CCDC146: variants seen among roughly 807,000 people sequenced by gnomAD.
CCDC146 encodes coiled-coil domain-containing protein 146.
A neutral mutation model predicts 119.3 loss-of-function variants in CCDC146; 92 were observed. The observed-to-expected ratio is 0.77, with a 90% CI of 0.65 to 0.92. The LOEUF (loss-of-function observed/expected upper bound fraction) is 0.92. Among genes scored for constraint, CCDC146 ranks in the 40% least tolerant of loss-of-function variants. The pLI is 0.00. For missense variants in CCDC146, 1,000 were observed against 1,103.0 expected (o/e 0.91, Z 1.32); for synonymous variants, 372 against 371.8 (o/e 1.00, Z -0.01).
intron 2 of CCDC146, chr7:77,199,454 G>A (rs1474399424): frequency 1.2e-6 from 2 of 1,613,958 alleles, no homozygotes; most frequent in South Asian, 1.1e-5. Context: ...GGTAACAACA[G>A]TCCGTTTCTG....
At chr7:77,178,932 C>CA (rs1390906457) in intron 2 of CCDC146, among the ~76,000 whole-genome samples, 3 of 151,820 alleles carry the variant, frequency 2.0e-5, no homozygotes, top group East Asian at 1.9e-4. Flanking sequence ...CCTTTTTCAA[C>CA]AAAAAATGTA....
chr7:77,175,687 C>A lies in CCDC146; in HGVS notation c.156+7863C>A, dbSNP rs911036346. ...GAACCTTGTGAACAATAATTTTGGA[C>A]ATTAAGTCTTAATCTATTTAAAAGA... On this transcript the variant is annotated intron_variant, in intron 2 of 18. Transcript: ENST00000285871. 6.6e-5 allele frequency among the ~76,000 whole-genome samples: 10 copies of A among 151,188 alleles called. 1 individual carries two copies. The highest frequency in any genetic ancestry group is 2.5e-4 in the African/African-American group (10 of 40,730).
chr7:77,274,547 A>G lies in CCDC146; in HGVS notation c.1335A>G (p.Leu445=), dbSNP rs1334054895. The change falls in exon 11 of 19, where the codon TTA becomes TTG. Residue 445 remains leucine (L), a synonymous_variant. Transcript: ENST00000285871. The part of the protein sequence containing the change: ...EQQLAEENKL[L]KEQENMKELV... ...AACTTGCAGAAGAAAACAAGCTTTTAAAGGAGCAAGAAAACATGAAAGAGC... is the reference window on the plus strand; with the variant it reads ...AACTTGCAGAAGAAAACAAGCTTTTGAAGGAGCAAGAAAACATGAAAGAGC... 6.2e-6 allele frequency: 10 copies of G among 1,612,426 alleles called. No individual in the cohort carries two copies. In the Admixed American group the frequency reaches 1.0e-4, roughly 16 times the overall value.
At chr7:77,258,632 G>T (rs368177965) in intron 6 of CCDC146, among the ~76,000 whole-genome samples, 1 of 152,188 alleles carries the variant, frequency 6.6e-6, no homozygotes, top group African/African-American at 2.4e-5. Context: ...GCTAGGCTAA[G>T]CTATGATTTC....
At chr7:77,159,302 C>T (rs1186721362) in intron 1 of CCDC146, among the ~76,000 whole-genome samples, 1 of 152,022 alleles carries the variant, frequency 6.6e-6, no homozygotes, top group Admixed American at 6.6e-5. Flanking sequence ...AACTATTACT[C>T]CCCAGTTTCT....
At chr7:77,184,406 T>C (rs911025432) in intron 2 of CCDC146, among the ~76,000 whole-genome samples, 2 of 152,236 alleles carry the variant, frequency 1.3e-5, no homozygotes, top group East Asian at 3.9e-4. Flanking sequence ...ACTTTCATAG[T>C]TATCCATGAT....
intron 1 of CCDC146, among the ~76,000 whole-genome samples, chr7:77,130,673 A>G (rs1790770569): frequency 7.3e-6 from 1 of 137,464 alleles, no homozygotes. Context: ...ATCTCGACTC[A>G]CTGCAAGCTC....
At chr7:77,227,776 C>A (rs1363685899) in intron 2 of CCDC146, among the ~76,000 whole-genome samples, 1 of 152,142 alleles carries the variant, frequency 6.6e-6, no homozygotes, top group Non-Finnish European at 1.5e-5. Context: ...TGATAGTCTG[C>A]AAGCACATTT....
At chr7:77,144,345 A>G (rs1207482560) in intron 1 of CCDC146, among the ~76,000 whole-genome samples, 1 of 151,788 alleles carries the variant, frequency 6.6e-6, no homozygotes, top group Non-Finnish European at 1.5e-5. Flanking sequence ...CTAAATATAC[A>G]ATCATGTCAT....
At chr7:77,291,829 G>A (rs1325314472) in intron 17 of CCDC146, among the ~76,000 whole-genome samples, 11 of 152,228 alleles carry the variant, frequency 7.2e-5, no homozygotes, top group Non-Finnish European at 4.4e-5. Flanking sequence ...CAGGAATTAT[G>A]ATCAATAATG....
chr7:77,255,820 G>A (rs1484448083), intron 5 of CCDC146, among the ~76,000 whole-genome samples: 1 of 152,202 alleles, frequency 6.6e-6, no homozygotes, highest in African/African-American at 2.4e-5. Context: ...ATGAGCTAGA[G>A]AAGTAATATC....
chr7:77,138,623 A>G (rs552144643), intron 1 of CCDC146, among the ~76,000 whole-genome samples: 59 of 152,338 alleles, frequency 3.9e-4, no homozygotes, highest in African/African-American at 1.3e-3. Context: ...TATTTGCAAA[A>G]GGCACATCGA....
chr7:77,285,526 C>T (rs61632518), intron 15 of CCDC146, among the ~76,000 whole-genome samples: 2,476 of 152,118 alleles, frequency 0.016, 69 homozygotes, highest in African/African-American at 0.056. Context: ...TGTAAAATAC[C>T]ATCAATATAT....
intron 1 of CCDC146, among the ~76,000 whole-genome samples, chr7:77,151,752 T>C (rs960334769): frequency 3.9e-5 from 6 of 152,192 alleles, no homozygotes; most frequent in African/African-American, 1.4e-4. Context: ...GGTTGGTGTC[T>C]GACCATGCAG....
intron 1 of CCDC146, among the ~76,000 whole-genome samples, chr7:77,165,210 T>A (rs1334685072): frequency 2.6e-5 from 4 of 151,880 alleles, no homozygotes; most frequent in African/African-American, 9.7e-5. Flanking sequence ...ACCAAATCGA[T>A]GGCTAATATA....
intron 1 of CCDC146, among the ~76,000 whole-genome samples, chr7:77,160,972 C>T (rs1042520843): frequency 4.8e-4 from 73 of 152,070 alleles, no homozygotes; most frequent in Non-Finnish European, 8.2e-4. Context: ...AAAAAGTGGG[C>T]GAAGGACATG....
intron 1 of CCDC146, among the ~76,000 whole-genome samples, chr7:77,154,842 T>C (rs200118254): frequency 0.027 from 4,177 of 152,092 alleles, 157 homozygotes; most frequent in East Asian, 0.12. Flanking sequence ...CTGGGTCAAA[T>C]GGTATTTCTA....
intron 9 of CCDC146, among the ~76,000 whole-genome samples, chr7:77,267,146 C>T (rs1356692344): frequency 6.6e-6 from 1 of 152,098 alleles, no homozygotes; most frequent in Non-Finnish European, 1.5e-5. Context: ...GCACCCACCA[C>T]CAAGCCCAGC....
intron 1 of CCDC146, among the ~76,000 whole-genome samples, chr7:77,158,640 C>T (rs780014437): frequency 1.3e-5 from 2 of 152,116 alleles, no homozygotes; most frequent in Non-Finnish European, 2.9e-5. Context: ...CTGCCTCAGC[C>T]TCCTGAGTAG....
Sources: allele counts gnomAD v4.1 joint callset (sites outside exome capture counted in the v4.1 genomes callset), GRCh38; gene constraint gnomAD v4.1.1; transcripts MANE v1.5; gene names NCBI Gene and HGNC (gene_info 2026-07-23, HGNC 2026-07-21).